The following CHRNA2 variants were observed in gnomAD, a reference collection of about 807,000 sequenced individuals.
The protein encoded by CHRNA2 is neuronal acetylcholine receptor subunit alpha-2.
Under a neutral mutation model 45.5 loss-of-function variants are expected in CHRNA2, and 40 were observed. The observed-to-expected ratio is 0.88, with a 90% CI of 0.68 to 1.15. The LOEUF (loss-of-function observed/expected upper bound fraction) is 1.15. CHRNA2 is among the 50% of genes most tolerant of loss of function. CHRNA2 has a pLI of 0.00. For synonymous variants in CHRNA2, 301 were observed against 296.7 expected (o/e 1.01, Z -0.15); for missense variants, 655 against 701.7 (o/e 0.93, Z 0.75).
At chr8:27,470,661 T>A (rs1012043718) in intron 2 of CHRNA2, among the ~76,000 whole-genome samples, 2 of 152,260 alleles carry the variant, frequency 1.3e-5, no homozygotes, top group African/African-American at 4.8e-5. Context: ...GAAAGCGCTG[T>A]GTCCCGAGTG....
rs1586385516 is a variant in CHRNA2, at chr8:27,461,064, C to T, written c.*565G>A. 1 of 174,860 alleles carries T rather than the reference C, an allele frequency of 5.7e-6. No homozygotes were observed. The highest frequency in any genetic ancestry group is 1.5e-4 in the East Asian group (1 of 6,658). 10.8% of individuals were successfully genotyped at this position (174,860 alleles called of 1,614,324 possible). ...ATTACTCCCCTGCTGGACCATACAG[C>T]TCAGCACCCTGCAAACTCGGACAGA... On this transcript the variant is annotated 3_prime_UTR_variant, in exon 7 of 7. Transcript: ENST00000407991.
chr8:27,467,656 G>A (rs776237364), intron 4 of CHRNA2: 12 of 353,678 alleles, frequency 3.4e-5, no homozygotes, highest in Non-Finnish European at 5.8e-5. Flanking sequence ...CATCTCTAGT[G>A]AAATCTCTCA....
chr8:27,478,846 G>A lies in CHRNA2; in HGVS notation c.-159C>T, dbSNP rs1339709446. The stretch of plus-strand genomic sequence containing the variant: ...TACCTGTGGTTACAGAAGAAAACAG[G>A]TCATTGAAAGGATGCAGAGAACCAG... On this transcript the variant is annotated 5_prime_UTR_variant, in exon 1 of 7. Transcript: ENST00000407991. 6.6e-6 allele frequency: 1 copy of A among 152,216 alleles called. No homozygotes were observed. The highest frequency in any genetic ancestry group is 6.5e-5 in the Admixed American group (1 of 15,272). 9.4% of individuals were successfully genotyped at this position (152,216 alleles called of 1,614,324 possible). A position where few individuals can be genotyped will look rare whatever the true frequency, so the allele number is the denominator to read the frequency against.
In CHRNA2 at chr8:27,463,735, G is replaced by A; in HGVS notation, c.708C>T (p.Ala236=). 6.2e-7 allele frequency: 1 copy of A among 1,614,074 alleles called. No homozygotes were observed. Among genetic ancestry groups the A allele is most frequent in the Non-Finnish European group, 8.5e-7 (1 of 1,180,006 alleles). The change falls in exon 6 of 7, where the codon GCC becomes GCT. Residue 236 remains alanine, a synonymous_variant. Coordinates refer to ENST00000407991, the MANE Select transcript of CHRNA2 (RefSeq NM_000742.4). This position sits in a 1 kb window ranked among gnomAD's most constrained non-coding sequence, Gnocchi z 6.1. The part of the protein sequence containing the change: ...WESGEWAIVN[A]TGTYNSKKYD... ...ACTTCTTGCTGTTGTAGGTGCCCGT[G>A]GCATTGACGATGGCCCACTCGCCGC...
At position 27,463,468 on chromosome 8, in the gene CHRNA2, G is replaced by C. The variant is rs1812584918; in HGVS notation, c.975C>G (p.Ile325Met). ...ACAGCAGGTACTCGCCGATGAGCGG[G>C]ATGACCAGCGAGGTGGACGGGATGA... The part of the protein sequence containing the change: ...TEIIPSTSLV[I>M]PLIGEYLLFT... The change falls in exon 6 of 7, where the codon ATC becomes ATG. Residue 325 changes from isoleucine to methionine, a missense_variant. Physicochemically the swap from Ile to Met is conservative, Grantham distance 10. Transcript: ENST00000407991. The surrounding 1 kb of genome is among the most constrained non-coding windows in gnomAD (Gnocchi z 6.1). The C allele has an allele frequency of 1.9e-6, 3 of 1,614,228 alleles. No individual in the cohort carries two copies. In the East Asian group the frequency reaches 6.7e-5, roughly 36 times the overall value.
intron 1 of CHRNA2, among the ~76,000 whole-genome samples, chr8:27,478,162 T>C (rs1048172751): frequency 8.5e-5 from 13 of 152,210 alleles, no homozygotes; most frequent in African/African-American, 3.1e-4. Context: ...CTCAGCTTTT[T>C]CACAACTGGC....
intron 1 of CHRNA2, among the ~76,000 whole-genome samples, chr8:27,472,543 C>A (rs143379240): frequency 6.8e-4 from 104 of 152,238 alleles, no homozygotes; most frequent in African/African-American, 2.4e-3. Flanking sequence ...CAGAGAAAAA[C>A]AGTTTGTGGT....
chr8:27,467,180 C>T (rs748005557), intron 5 of CHRNA2, 49 bp downstream of exon 5: 1 of 1,471,582 alleles, frequency 6.8e-7, no homozygotes, highest in South Asian at 1.1e-5. Flanking sequence ...GACCCGGCCC[C>T]TGCAAGTTGG....
intron 6 of CHRNA2, 121 bp from the exon 7 acceptor site, chr8:27,461,875 TGGGG>T: frequency 7.0e-7 from 1 of 1,418,776 alleles, no homozygotes; most frequent in Non-Finnish European, 9.9e-7. Flanking sequence ...ACAGAGACCT[TGGGG>T]AGCAAAGGTC....
At chr8:27,474,266 C>T (rs1013538448) in intron 1 of CHRNA2, among the ~76,000 whole-genome samples, 1 of 152,202 alleles carries the variant, frequency 6.6e-6, no homozygotes, top group Non-Finnish European at 1.5e-5. Context: ...ATACTGACTA[C>T]AGCACAGACA....
In CHRNA2 at chr8:27,470,324, C is replaced by G. The variant is rs2565064; in HGVS notation, c.74-343G>C. On this transcript the variant is annotated intron_variant, in intron 2 of 6. Coordinates refer to ENST00000407991, the MANE Select transcript of CHRNA2 (RefSeq NM_000742.4). Reference sequence around the variant, plus strand: ...TGGAAGAGACGCCTGGTCTACGTGGCGGGGCTGCAGGGAGAAGGGCTCTGG... The same window carrying G: ...TGGAAGAGACGCCTGGTCTACGTGGGGGGGCTGCAGGGAGAAGGGCTCTGG... 0.79 allele frequency among the ~76,000 whole-genome samples: 119,469 copies of G among 151,986 alleles called. 47,822 individuals carry two copies. Among genetic ancestry groups the G allele is most frequent in the African/African-American group, 0.94 (39,075 of 41,498 alleles).
At chr8:27,470,490 A>G (rs1812846412) in intron 2 of CHRNA2, among the ~76,000 whole-genome samples, 2 of 152,228 alleles carry the variant, frequency 1.3e-5, no homozygotes, top group Non-Finnish European at 2.9e-5. Context: ...GCCACTTCCT[A>G]TCAGATAAAC....
rs2132651312 is a variant in CHRNA2, at chr8:27,463,265, A to G, written c.1178T>C (p.Leu393Pro). The G allele has an allele frequency of 4.4e-6, 7 of 1,605,078 alleles. No individual in the cohort carries two copies. Among genetic ancestry groups the G allele is most frequent in the Non-Finnish European group, 6.0e-6 (7 of 1,173,876 alleles). Residue 393 changes from leucine (L) to proline (P), a missense_variant, in exon 6 of 7, where the codon CTA (leucine) becomes CCA (proline). Leu to Pro is a moderately conservative substitution (Grantham distance 98). This residue lies in a region of CHRNA2 where 295 missense variants were observed against 280.4 expected (regional missense o/e 1.05). Coordinates refer to ENST00000407991, the MANE Select transcript of CHRNA2 (RefSeq NM_000742.4). The surrounding 1 kb of genome is among the most constrained non-coding windows in gnomAD (Gnocchi z 6.1). ...PPPPVELCHP[L>P]RLKLSPSYHW... ...ATAAGAGGGGCTGAGCTTCAGGCGT[A>G]GGGGGTGGCAGAGCTCCACGGGTGG...
chr8:27,464,387 T>A (rs920909307), intron 5 of CHRNA2, among the ~76,000 whole-genome samples: 4 of 152,214 alleles, frequency 2.6e-5, no homozygotes, highest in African/African-American at 9.6e-5. Flanking sequence ...CTATTTTTAT[T>A]CATTTAATAT....
chr8:27,462,270 C>T (rs1328581910), intron 6 of CHRNA2, among the ~76,000 whole-genome samples: 1 of 152,086 alleles, frequency 6.6e-6, no homozygotes, highest in African/African-American at 2.4e-5. Context: ...CCTGGATTCT[C>T]CACTGCTCCT....
At chr8:27,470,855 C>A in intron 2 of CHRNA2, 131 bp downstream of exon 2, 1 of 898,380 alleles carries the variant, frequency 1.1e-6, no homozygotes. Context: ...AAACAGCCAC[C>A]TGGCTGATGG....
intron 4 of CHRNA2, among the ~76,000 whole-genome samples, chr8:27,467,891 A>G (rs1444509062): frequency 6.6e-6 from 1 of 152,068 alleles, no homozygotes; most frequent in East Asian, 1.9e-4. Flanking sequence ...GCCCCACAGG[A>G]GTCCCACCAG....
chr8:27,472,432 T>G (rs1812916242), intron 1 of CHRNA2, among the ~76,000 whole-genome samples: 1 of 152,192 alleles, frequency 6.6e-6, no homozygotes, highest in Admixed American at 6.5e-5. Flanking sequence ...ACCCAGCTGA[T>G]CTCTGCTGCA....
rs1418264334 is a variant in CHRNA2 at position 27,463,205 on chromosome 8, C to G, written c.1238G>C (p.Arg413Thr). 6.3e-7 allele frequency: 1 copy of G among 1,588,954 alleles called. No individual in the cohort carries two copies. Among genetic ancestry groups the G allele is most frequent in the Non-Finnish European group, 8.6e-7 (1 of 1,164,396 alleles). The change falls in exon 6 of 7, where the codon AGG (arginine) becomes ACG (threonine). Residue 413 changes from arginine (R) to threonine (T), a missense_variant. By Grantham distance (71) the Arg-to-Thr change is moderately conservative (BLOSUM62 -1). Around this residue, in one of 3 missense-constraint regions of CHRNA2, gnomAD observed 295 missense variants for 280.4 expected, o/e 1.05. Coordinates refer to ENST00000407991, the MANE Select transcript of CHRNA2 (RefSeq NM_000742.4). The surrounding 1 kb of genome is among the most constrained non-coding windows in gnomAD (Gnocchi z 6.1). ...GTCCTCCTCCTCCACCACCACCTCC[C>G]TCTCCTCGGCATCCACGTTGCTCTC... is the stretch of plus-strand genomic sequence containing the variant. The part of the protein sequence containing the change: ...WLESNVDAEE[R>T]EVVVEEEDRW...
Sources: allele counts gnomAD v4.1 joint callset (sites outside exome capture counted in the v4.1 genomes callset), GRCh38; gene constraint gnomAD v4.1.1; regional missense constraint gnomAD v4.1.1; non-coding constraint Gnocchi (gnomAD v3.1); transcripts MANE v1.5; gene names NCBI Gene and HGNC (gene_info 2026-07-23, HGNC 2026-07-21).